NME7: variants seen among roughly 807,000 people sequenced by gnomAD.
NME7 encodes the protein nucleoside diphosphate kinase 7.
Under a neutral mutation model 49.1 loss-of-function variants are expected in NME7, and 41 were observed. The observed-to-expected ratio is 0.83, with a 90% confidence interval of 0.65 to 1.08. The LOEUF is 1.08. Among genes scored for constraint, NME7 ranks in the 50% least tolerant of loss-of-function variants. The probability of loss-of-function intolerance (pLI) is 0.00; values close to 1 mark genes in which losing one functional copy is unlikely to be tolerated. For synonymous variants in NME7, 139 were observed against 150.6 expected (o/e 0.92, Z 0.56); for missense variants, 423 against 463.4 (o/e 0.91, Z 0.80).
chr1:169,156,765 A>G (rs1659088140), intron 11 of NME7, among the ~76,000 whole-genome samples: 1 of 152,182 alleles, frequency 6.6e-6, no homozygotes, highest in South Asian at 2.1e-4. Flanking sequence ...CTATGACGGG[A>G]TATAGGAGGG....
At chr1:169,182,212 T>G (rs1659950942) in intron 10 of NME7, among the ~76,000 whole-genome samples, 1 of 149,226 alleles carries the variant, frequency 6.7e-6, no homozygotes, top group South Asian at 2.1e-4. Context: ...GATAAAGTCT[T>G]GCTGTATTAA....
At chr1:169,349,442 G>A (rs1653072416) in intron 1 of NME7, among the ~76,000 whole-genome samples, 1 of 152,064 alleles carries the variant, frequency 6.6e-6, no homozygotes, top group Admixed American at 6.6e-5. Flanking sequence ...CACTCTTATG[G>A]AATATGCGTG....
intron 1 of NME7, among the ~76,000 whole-genome samples, chr1:169,363,476 C>A (rs1653735212): frequency 6.6e-6 from 1 of 152,082 alleles, no homozygotes; most frequent in Non-Finnish European, 1.5e-5. Context: ...TTAATGCTGG[C>A]TACATACCAC....
In NME7 at chr1:169,240,661, A is replaced by G. The variant is rs1475920024; in HGVS notation, c.755-2974T>C. Among the ~76,000 whole-genome samples, 5 of 152,038 alleles carry G rather than the reference A, an allele frequency of 3.3e-5. No individual in the cohort carries two copies. The East Asian group carries it at 9.6e-4, about 29-fold the overall frequency. On this transcript the variant is annotated intron_variant, in intron 7 of 11. Coordinates refer to ENST00000367811, the MANE Select transcript of NME7 (RefSeq NM_013330.5). ...TGATTTTTAATATCACACATTAATCATTTGGCAAATACCAGCTCACTGAGT... is the reference window on the plus strand; with the variant it reads ...TGATTTTTAATATCACACATTAATCGTTTGGCAAATACCAGCTCACTGAGT...
At chr1:169,254,847 G>C (rs1315326494) in intron 7 of NME7, among the ~76,000 whole-genome samples, 1 of 130,184 alleles carries the variant, frequency 7.7e-6, no homozygotes, top group Non-Finnish European at 1.7e-5. Flanking sequence ...GGAGCAGGTT[G>C]TTCAGTTTCC....
rs1467630120 is a variant in NME7 at position 169,256,998 on chromosome 1, A to T, written c.755-19311T>A. Among the ~76,000 whole-genome samples, 2 of 129,168 alleles carry T rather than the reference A, an allele frequency of 1.5e-5. 1 individual carries two copies. The highest frequency in any genetic ancestry group is 5.2e-5 in the African/African-American group (2 of 38,556). The allele number at this position is 129,168 out of a possible 152,430, so 84.7% of individuals were successfully genotyped here. On this transcript the variant is annotated intron_variant, in intron 7 of 11. Coordinates refer to ENST00000367811, the MANE Select transcript of NME7 (RefSeq NM_013330.5). ...CAGACAGCGACATTTAAGTCTGCAGAGGTTACTGCTGTCTTTTTGTTTGTC... is the reference window on the plus strand; with the variant it reads ...CAGACAGCGACATTTAAGTCTGCAGTGGTTACTGCTGTCTTTTTGTTTGTC...
At chr1:169,169,788 A>G (rs191040260) in intron 10 of NME7, among the ~76,000 whole-genome samples, 109 of 152,364 alleles carry the variant, frequency 7.2e-4, no homozygotes, top group Admixed American at 2.4e-3. Context: ...ATGTGAAGCT[A>G]GTTCATTACT....
intron 10 of NME7, among the ~76,000 whole-genome samples, chr1:169,201,491 C>T (rs1477682325): frequency 1.3e-5 from 2 of 151,892 alleles, no homozygotes; most frequent in South Asian, 2.1e-4. Context: ...ATAAAACAGT[C>T]GGGAAGTGAT....
intron 3 of NME7, among the ~76,000 whole-genome samples, chr1:169,320,452 A>G (rs1305579735): frequency 6.6e-6 from 1 of 152,218 alleles, no homozygotes; most frequent in African/African-American, 2.4e-5. Flanking sequence ...GCTTTACTAT[A>G]GAAAGAAAAG....
At chr1:169,240,603 T>C (rs1648048780) in intron 7 of NME7, among the ~76,000 whole-genome samples, 1 of 152,076 alleles carries the variant, frequency 6.6e-6, no homozygotes, top group Admixed American at 6.6e-5. Flanking sequence ...ATCTTGTATG[T>C]ACTTCGAATG....
intron 3 of NME7, among the ~76,000 whole-genome samples, chr1:169,314,880 C>A (rs1413958729): frequency 6.6e-6 from 1 of 151,980 alleles, no homozygotes; most frequent in East Asian, 1.9e-4. Context: ...CGAATGTTAA[C>A]TAAAAGAAAG....
At chr1:169,313,095 A>G (rs1651460934) in intron 3 of NME7, among the ~76,000 whole-genome samples, 1 of 152,066 alleles carries the variant, frequency 6.6e-6, no homozygotes, top group East Asian at 1.9e-4. Flanking sequence ...CAATAGCAAA[A>G]TTATTCAGAA....
chr1:169,357,239 CTCTTT>C (rs1351164128), intron 1 of NME7, among the ~76,000 whole-genome samples: 1 of 151,804 alleles, frequency 6.6e-6, no homozygotes, highest in African/African-American at 2.4e-5. Flanking sequence ...TTCTCTTCTT[CTCTTT>C]TTTCTTCCTC....
intron 10 of NME7, among the ~76,000 whole-genome samples, chr1:169,199,977 T>C (rs1278174559): frequency 6.6e-6 from 1 of 152,124 alleles, no homozygotes; most frequent in South Asian, 2.1e-4. Context: ...TAATTCATTA[T>C]TAATTCATTC....
chr1:169,264,037 A>T (rs1649241938), intron 7 of NME7, among the ~76,000 whole-genome samples: 1 of 133,760 alleles, frequency 7.5e-6, no homozygotes, highest in African/African-American at 2.5e-5. Context: ...ATCCTTTCAG[A>T]CAAGAAAATG....
intron 5 of NME7, among the ~76,000 whole-genome samples, chr1:169,300,473 A>G (rs1389034807): frequency 6.6e-6 from 1 of 152,154 alleles, no homozygotes; most frequent in African/African-American, 2.4e-5. Flanking sequence ...TTCTTATTAG[A>G]AGTGTAAACA....
chr1:169,317,424 G>A (rs112850208), intron 3 of NME7, among the ~76,000 whole-genome samples: 46 of 152,282 alleles, frequency 3.0e-4, no homozygotes, highest in African/African-American at 1.1e-3. Context: ...TATTTGGGAG[G>A]CAGTTACACT....
chr1:169,200,473 T>A (rs1277084385), intron 10 of NME7, among the ~76,000 whole-genome samples: 1 of 152,214 alleles, frequency 6.6e-6, no homozygotes, highest in Admixed American at 6.5e-5. Flanking sequence ...CTGAGGAGAC[T>A]GTCCCTCCCA....
At chr1:169,356,426 C>A (rs544140200) in intron 1 of NME7, among the ~76,000 whole-genome samples, 1 of 151,968 alleles carries the variant, frequency 6.6e-6, no homozygotes, top group African/African-American at 2.4e-5. Flanking sequence ...TTTGAACATA[C>A]ATCTGAAAAA....
Sources: allele counts gnomAD v4.1 joint callset (sites outside exome capture counted in the v4.1 genomes callset), GRCh38; gene constraint gnomAD v4.1.1; transcripts MANE v1.5; gene names NCBI Gene and HGNC (gene_info 2026-07-23, HGNC 2026-07-21).